MACROD2: variants seen among roughly 807,000 people sequenced by gnomAD.
MACROD2 encodes ADP-ribose glycohydrolase MACROD2.
A neutral mutation model predicts 70.4 loss-of-function variants in MACROD2; 36 were observed. The ratio of observed to expected loss-of-function variants is 0.51; its 90% CI spans 0.39 to 0.68. The LOEUF (loss-of-function observed/expected upper bound fraction) is 0.68, where lower values mean the gene tolerates loss of function less well. Among genes scored for constraint, MACROD2 ranks in the 30% least tolerant of loss-of-function variants. MACROD2 has a pLI of 0.00. For synonymous variants in MACROD2, 172 were observed against 178.8 expected (o/e 0.96, Z 0.30); for missense variants, 496 against 538.4 (o/e 0.92, Z 0.78).
intron 15 of MACROD2, among the ~76,000 whole-genome samples, chr20:16,011,886 C>T (rs1015651793): frequency 5.9e-5 from 9 of 152,320 alleles, no homozygotes; most frequent in Middle Eastern, 3.4e-3. Flanking sequence ...AAACTCCAGG[C>T]GGCACAGTTT....
chr20:15,378,986 G>A (rs1236868576), intron 6 of MACROD2, among the ~76,000 whole-genome samples: 1 of 152,042 alleles, frequency 6.6e-6, no homozygotes, highest in South Asian at 2.1e-4. Context: ...TAAATGTGAA[G>A]GAATGCCTGG....
At chr20:14,942,581 C>A (rs2074399307) in intron 5 of MACROD2, among the ~76,000 whole-genome samples, 1 of 152,164 alleles carries the variant, frequency 6.6e-6, no homozygotes, top group Non-Finnish European at 1.5e-5. Context: ...GGATACGTAA[C>A]AAATCAAGTG....
At chr20:15,324,844 A>G (rs1296288123) in intron 6 of MACROD2, among the ~76,000 whole-genome samples, 1 of 152,210 alleles carries the variant, frequency 6.6e-6, no homozygotes, top group East Asian at 1.9e-4. Context: ...TATGAAGGCA[A>G]TATAGGTAAG....
chr20:15,797,657 A>G (rs1003361361), intron 8 of MACROD2, among the ~76,000 whole-genome samples: 4 of 152,258 alleles, frequency 2.6e-5, no homozygotes, highest in South Asian at 2.1e-4. Context: ...GTAAAGAATT[A>G]TCCTGAGTAG....
chr20:14,207,484 T>TAG (rs1753653895), intron 3 of MACROD2, among the ~76,000 whole-genome samples: 14 of 152,188 alleles, frequency 9.2e-5, no homozygotes, highest in Admixed American at 9.2e-4. Context: ...AGGAAGCAGT[T>TAG]AGAGGAACTT....
At chr20:14,975,034 T>G (rs139510149) in intron 5 of MACROD2, among the ~76,000 whole-genome samples, 6 of 152,202 alleles carry the variant, frequency 3.9e-5, no homozygotes, top group Admixed American at 3.9e-4. Context: ...GAGGTTGTCC[T>G]ATACATTGTA....
At chr20:15,609,788 A>T (rs552735234) in intron 8 of MACROD2, among the ~76,000 whole-genome samples, 3 of 152,220 alleles carry the variant, frequency 2.0e-5, no homozygotes, top group Non-Finnish European at 4.4e-5. Context: ...GGGGTTAGGC[A>T]GTTGTAGTGT....
At chr20:14,567,227 G>A (rs1270872963) in intron 4 of MACROD2, among the ~76,000 whole-genome samples, 2 of 151,834 alleles carry the variant, frequency 1.3e-5, no homozygotes, top group Non-Finnish European at 2.9e-5. Context: ...TTATTTGTTG[G>A]AATAACTGAA....
intron 5 of MACROD2, among the ~76,000 whole-genome samples, chr20:14,935,588 G>A (rs1181301380): frequency 6.6e-6 from 1 of 152,134 alleles, no homozygotes; most frequent in Non-Finnish European, 1.5e-5. Context: ...GTCCAGAAAC[G>A]CAGAGATCTT....
At chr20:15,597,732 T>G (rs1172139966) in intron 8 of MACROD2, among the ~76,000 whole-genome samples, 1 of 152,190 alleles carries the variant, frequency 6.6e-6, no homozygotes, top group African/African-American at 2.4e-5. Flanking sequence ...TGCCCTCTGC[T>G]TCCTCCCTTC....
chr20:15,923,521 A>G (rs1241092927), intron 10 of MACROD2, among the ~76,000 whole-genome samples: 7 of 152,306 alleles, frequency 4.6e-5, no homozygotes, highest in East Asian at 1.9e-4. Context: ...ATCATTCTCA[A>G]AGAGTGTGGC....
At chr20:14,768,210 C>T (rs2072117189) in intron 5 of MACROD2, among the ~76,000 whole-genome samples, 1 of 152,092 alleles carries the variant, frequency 6.6e-6, no homozygotes, top group Admixed American at 6.5e-5. Context: ...TGAGGAATCA[C>T]CACACTGTCT....
intron 8 of MACROD2, among the ~76,000 whole-genome samples, chr20:15,736,556 T>TCTATTA (rs140733): frequency 6.6e-6 from 1 of 151,942 alleles, no homozygotes; most frequent in Admixed American, 6.6e-5. Flanking sequence ...CTAATTTGAG[T>TCTATTA]AGAGGAGATA....
rs1009683783 is a variant in MACROD2, at chr20:14,701,054, T to C, written c.418+16095T>C. 3.3e-5 allele frequency among the ~76,000 whole-genome samples: 5 copies of C among 152,110 alleles called. No individual in the cohort carries two copies. The East Asian group carries it at 9.6e-4, about 29-fold the overall frequency. On this transcript the variant is annotated intron_variant, in intron 5 of 17. Transcript: ENST00000684519. The stretch of plus-strand genomic sequence containing the variant: ...GTCATAAGGCCTGCAGCTTAACAGA[T>C]GAGCAGAAAATGTGCTGAAACATTG...
chr20:15,775,902 TAA>T (rs2051713537), intron 8 of MACROD2, among the ~76,000 whole-genome samples: 1 of 152,060 alleles, frequency 6.6e-6, no homozygotes, highest in Non-Finnish European at 1.5e-5. Flanking sequence ...TCCAAAGAAA[TAA>T]ATTATAACAA....
At chr20:15,406,581 TC>T (rs2046004888) in intron 6 of MACROD2, among the ~76,000 whole-genome samples, 1 of 152,170 alleles carries the variant, frequency 6.6e-6, no homozygotes, top group Admixed American at 6.5e-5. Context: ...GATGAAAAGT[TC>T]TGCTTAAAAT....
intron 10 of MACROD2, among the ~76,000 whole-genome samples, chr20:15,930,686 C>A (rs1329412057): frequency 1.3e-5 from 2 of 152,162 alleles, no homozygotes; most frequent in African/African-American, 2.4e-5. Flanking sequence ...GCCGCTGAGA[C>A]TCAAAGAGAA....
At chr20:15,344,274 C>T (rs954036881) in intron 6 of MACROD2, among the ~76,000 whole-genome samples, 4 of 152,092 alleles carry the variant, frequency 2.6e-5, no homozygotes, top group Non-Finnish European at 5.9e-5. Context: ...ATGCTCTTTT[C>T]TCCTTGGTAC....
At chr20:15,314,501 T>C (rs540749174) in intron 6 of MACROD2, among the ~76,000 whole-genome samples, 14 of 152,312 alleles carry the variant, frequency 9.2e-5, no homozygotes, top group African/African-American at 2.6e-4. Flanking sequence ...TATACTCCCC[T>C]ACCCGGCTTG....
Sources: gnomAD v4.1 joint callset for allele counts (sites outside exome capture counted in the v4.1 genomes callset) on GRCh38, gnomAD v4.1.1 for gene constraint, MANE v1.5 for transcripts, NCBI Gene and HGNC (gene_info 2026-07-23, HGNC 2026-07-21) for gene names.